The following TMEM128 variants were observed in gnomAD, a reference collection of about 807,000 sequenced individuals.
TMEM128 encodes transmembrane protein 128.
In TMEM128, 16 loss-of-function variants were observed where a neutral mutation model predicts 19.7. The observed-to-expected ratio is 0.81, with a 90% CI of 0.55 to 1.23. The LOEUF is 1.23. TMEM128 is among the 50% of genes most tolerant of loss of function. The probability of loss-of-function intolerance (pLI) is 0.00; values close to 1 mark genes in which losing one functional copy is unlikely to be tolerated. For missense variants in TMEM128, 237 were observed against 200.8 expected (o/e 1.18, Z -1.09); for synonymous variants, 98 against 75.8 (o/e 1.29, Z -1.52).
At chr4:4,247,749 A>T in intron 1 of TMEM128, 1 of 1,551,638 alleles carries the variant, frequency 6.4e-7, no homozygotes, top group Non-Finnish European at 8.7e-7. Flanking sequence ...GGCAAGGCAG[A>T]TATTTCCAGT....
intron 4 of TMEM128, among the ~76,000 whole-genome samples, chr4:4,236,584 C>T (rs1398334356): frequency 2.0e-5 from 3 of 152,116 alleles, no homozygotes; most frequent in Admixed American, 2.0e-4. Context: ...CTTGTGGCAC[C>T]ACAGGTGTAC....
intron 1 of TMEM128, among the ~76,000 whole-genome samples, chr4:4,247,018 C>T (rs537092133): frequency 2.0e-4 from 31 of 152,308 alleles, no homozygotes; most frequent in African/African-American, 7.5e-4. Flanking sequence ...CCCGCCTCAG[C>T]CTCTCAAAGT....
chr4:4,237,995 T>C, intron 3 of TMEM128, 60 bp from the exon 4 acceptor site: 1 of 1,100,072 alleles, frequency 9.1e-7, no homozygotes, highest in Non-Finnish European at 1.3e-6. Context: ...TATTTTATTC[T>C]AGAATCCAGA....
chr4:4,246,284 C>T lies in TMEM128; in HGVS notation c.157G>A (p.Gly53Arg). The T allele has an allele frequency of 6.2e-7, 1 of 1,612,940 alleles. No homozygotes were observed. Among genetic ancestry groups the T allele is most frequent in the Non-Finnish European group, 8.5e-7 (1 of 1,179,570 alleles). Residue 53 changes from glycine to arginine, a missense_variant, in exon 2 of 5, where the codon GGA becomes AGA. By Grantham distance (125) the Gly-to-Arg change is moderately radical. Coordinates refer to ENST00000382753, the MANE Select transcript of TMEM128 (RefSeq NM_001297551.2). ...ACAATGGATGCCAAAATCCAGAATC[C>T]AGAATGGATATTAAGTCTTGGAAGA... The part of the protein sequence containing the change: ...KPLPRLNIHS[G>R]FWILASIVVT...
chr4:4,244,863 GGAGT>G (rs1718104490), intron 2 of TMEM128, among the ~76,000 whole-genome samples: 1 of 152,162 alleles, frequency 6.6e-6, no homozygotes, highest in South Asian at 2.1e-4. Context: ...CTCCCACAAA[GGAGT>G]GAGTGACATG....
At position 4,240,395 on chromosome 4, in the gene TMEM128, T is replaced by C; in HGVS notation, c.324A>G (p.Gly108=). 2 of 1,614,130 alleles carry C rather than the reference T, an allele frequency of 1.2e-6. No individual in the cohort carries two copies. Among genetic ancestry groups the C allele is most frequent in the African/African-American group, 1.3e-5 (1 of 75,038 alleles). ...YCIVYLEWYC[G]IGEYDVKYPA... Reference sequence around the variant, plus strand: ...GATACTTGACATCATATTCTCCAATTCCACAATACCATTCCAGGTAGACTA... The same window carrying C: ...GATACTTGACATCATATTCTCCAATCCCACAATACCATTCCAGGTAGACTA... Residue 108 remains glycine, a synonymous_variant, in exon 3 of 5, where the codon GGA becomes GGG. Coordinates refer to ENST00000382753, the MANE Select transcript of TMEM128 (RefSeq NM_001297551.2).
At chr4:4,236,413 C>A (rs1717722499) in intron 4 of TMEM128, among the ~76,000 whole-genome samples, 157 bp from the exon 5 acceptor site, 1 of 152,158 alleles carries the variant, frequency 6.6e-6, no homozygotes, top group Admixed American at 6.5e-5. Context: ...TCTCCATTAC[C>A]AATTATAACT....
intron 3 of TMEM128, among the ~76,000 whole-genome samples, chr4:4,239,502 C>T (rs370525459): frequency 1.1e-4 from 16 of 152,266 alleles, no homozygotes; most frequent in Admixed American, 7.8e-4. Flanking sequence ...GTCAAAGGTA[C>T]GTACATCCAA....
chr4:4,240,273 A>T, intron 3 of TMEM128, 48 bp downstream of exon 3: 6 of 1,597,350 alleles, frequency 3.8e-6, no homozygotes, highest in Non-Finnish European at 4.3e-6. Flanking sequence ...TCTGATCAAA[A>T]AAAAAATTTG....
rs78934832 is a variant in TMEM128, at chr4:4,235,712, T to C, written c.*554A>G. ...ATTTGGTCCTGTCACCTAACAAAACTATCATAAATATGAGATTATAGTAAT... is the reference window on the plus strand; with the variant it reads ...ATTTGGTCCTGTCACCTAACAAAACCATCATAAATATGAGATTATAGTAAT... On this transcript the variant is annotated 3_prime_UTR_variant, in exon 5 of 5. Transcript: ENST00000382753. The C allele has an allele frequency of 6.6e-6, 1 of 152,640 alleles. No homozygotes were observed. The highest frequency in any genetic ancestry group is 1.5e-5 in the Non-Finnish European group (1 of 68,034). The allele number at this position is 152,640 out of a possible 1,614,324, so 9.5% of individuals were successfully genotyped here. A position where few individuals can be genotyped will look rare whatever the true frequency, so the allele number is the denominator to read the frequency against.
At chr4:4,247,817 G>A (rs925244728) in intron 1 of TMEM128, 4 of 1,423,860 alleles carry the variant, frequency 2.8e-6, no homozygotes, top group South Asian at 2.9e-5. Flanking sequence ...TGTACACTGC[G>A]GTACACGCAT....
chr4:4,244,807 C>G (rs896858150), intron 2 of TMEM128, among the ~76,000 whole-genome samples: 3 of 152,182 alleles, frequency 2.0e-5, no homozygotes, highest in East Asian at 1.9e-4. Flanking sequence ...AGGTGCTGAG[C>G]TACCTTTGTC....
rs1338918765 is a variant in TMEM128, at chr4:4,248,040, C to A, written c.97+66G>T. 3.9e-6 allele frequency: 6 copies of A among 1,525,192 alleles called. No homozygotes were observed. The African/African-American group carries it at 5.6e-5, about 14-fold the overall frequency. The allele number at this position is 1,525,192 out of a possible 1,614,324, so 94.5% of individuals were successfully genotyped here. A position where few individuals can be genotyped will look rare whatever the true frequency, so the allele number is the denominator to read the frequency against. Reference sequence around the variant, plus strand: ...TCCTTCCAGACTGGGCCAGGGCTGCCGGAGGCCGGCCGTTTTCCGACGCCT... The same window carrying A: ...TCCTTCCAGACTGGGCCAGGGCTGCAGGAGGCCGGCCGTTTTCCGACGCCT... On this transcript the variant is annotated intron_variant, in intron 1 of 4. Transcript: ENST00000382753.
At chr4:4,239,896 A>C (rs1008493826) in intron 3 of TMEM128, among the ~76,000 whole-genome samples, 3 of 152,240 alleles carry the variant, frequency 2.0e-5, no homozygotes, top group African/African-American at 7.2e-5. Flanking sequence ...GTTACCATGA[A>C]GGTCAGGGCA....
Position 4,245,775 on chromosome 4 carries a change from AATAT to A in TMEM128, c.239+423_239+426del, listed in dbSNP as rs140226222. Among the ~76,000 whole-genome samples, 284 of 152,154 alleles carry A rather than the reference AATAT, an allele frequency of 1.9e-3. 7 individuals are homozygous for A. The East Asian group carries it at 0.052, about 28-fold the overall frequency. ...TGATATATATATACACACACACATG[AATAT>A]ATACATATATACATATATATGAATA... On this transcript the variant is annotated intron_variant, in intron 2 of 4. Transcript: ENST00000382753.
chr4:4,247,520 C>T, intron 1 of TMEM128: 2 of 1,603,638 alleles, frequency 1.2e-6, no homozygotes, highest in Non-Finnish European at 1.7e-6. Flanking sequence ...ATCTAATCCC[C>T]AGAAGCAACC....
intron 1 of TMEM128, among the ~76,000 whole-genome samples, chr4:4,247,262 T>C (rs1383303596): frequency 2.0e-5 from 3 of 152,166 alleles, no homozygotes; most frequent in African/African-American, 4.8e-5. Flanking sequence ...GATTCTGACA[T>C]GCCCTCTAGG....
At chr4:4,247,111 C>T (rs1455833298) in intron 1 of TMEM128, among the ~76,000 whole-genome samples, 1 of 152,160 alleles carries the variant, frequency 6.6e-6, no homozygotes, top group African/African-American at 2.4e-5. Flanking sequence ...AAAGTGGAAA[C>T]GGCACACCAG....
chr4:4,236,845 C>T (rs1303923273), intron 4 of TMEM128, among the ~76,000 whole-genome samples: 1 of 152,180 alleles, frequency 6.6e-6, no homozygotes, highest in East Asian at 1.9e-4. Context: ...AGCGTATTAA[C>T]TTTTATTTCC....
Sources: allele counts gnomAD v4.1 joint callset (sites outside exome capture counted in the v4.1 genomes callset), GRCh38; gene constraint gnomAD v4.1.1; transcripts MANE v1.5; gene names NCBI Gene and HGNC (gene_info 2026-07-23, HGNC 2026-07-21).